The following NRG1 variants were observed in gnomAD, a reference collection of about 807,000 sequenced individuals.
NRG1 encodes neuregulin 1.
NRG1 carries 18 observed loss-of-function variants against 63.8 expected under a neutral mutation model. The ratio of observed to expected loss-of-function variants is 0.28; its 90% confidence interval spans 0.19 to 0.42. The LOEUF is 0.42. Ranked by LOEUF, NRG1 falls within the 10% of genes least tolerant of loss-of-function variation. The pLI is 1.00. For missense variants in NRG1, 762 were observed against 814.7 expected (o/e 0.94, Z 0.79); for synonymous variants, 302 against 301.3 (o/e 1.00, Z -0.02).
chr8:32,463,644 C>T (rs768784319), intron 1 of NRG1, among the ~76,000 whole-genome samples: 3 of 151,794 alleles, frequency 2.0e-5, no homozygotes, highest in Non-Finnish European at 2.9e-5. Context: ...GAGTTCGAGA[C>T]CAGCCAGGGC....
chr8:32,426,422 G>T (rs909918939), intron 1 of NRG1, among the ~76,000 whole-genome samples: 1 of 152,128 alleles, frequency 6.6e-6, no homozygotes, highest in African/African-American at 2.4e-5. Context: ...CTTTTCTGAC[G>T]CAAAATATTG....
chr8:31,873,038 A>C (rs1829620942), intron 1 of NRG1, among the ~76,000 whole-genome samples: 2 of 152,190 alleles, frequency 1.3e-5, no homozygotes, highest in Non-Finnish European at 2.9e-5. Context: ...TTTCAGAAGG[A>C]GAAAACTCAT....
At chr8:31,747,804 T>G (rs1372435645) in intron 1 of NRG1, among the ~76,000 whole-genome samples, 1 of 151,978 alleles carries the variant, frequency 6.6e-6, no homozygotes, top group East Asian at 1.9e-4. Flanking sequence ...CAAATCCACA[T>G]GTCATCTTGA....
chr8:32,052,838 G>A (rs913960786), intron 1 of NRG1, among the ~76,000 whole-genome samples: 3 of 152,108 alleles, frequency 2.0e-5, no homozygotes, highest in African/African-American at 7.2e-5. Context: ...GCTCATTATA[G>A]ACAGTCTGAA....
At chr8:32,632,374 A>AC (rs1368652595) in intron 5 of NRG1, among the ~76,000 whole-genome samples, 1 of 151,800 alleles carries the variant, frequency 6.6e-6, no homozygotes, top group Non-Finnish European at 1.5e-5. Flanking sequence ...ACATGGAGAA[A>AC]CCCCGTCTCT....
chr8:31,689,698 A>C (rs973517243), intron 1 of NRG1, among the ~76,000 whole-genome samples: 12 of 152,348 alleles, frequency 7.9e-5, no homozygotes, highest in African/African-American at 2.9e-4. Flanking sequence ...ATGAATATTC[A>C]TTAAGTACCT....
chr8:32,492,291 T>A (rs996506056), intron 1 of NRG1, among the ~76,000 whole-genome samples: 6 of 152,170 alleles, frequency 3.9e-5, no homozygotes, highest in African/African-American at 1.4e-4. Flanking sequence ...ATTAGGAGGT[T>A]GAGTTCTTGA....
At chr8:32,109,783 A>C (rs934821168) in intron 1 of NRG1, among the ~76,000 whole-genome samples, 7 of 152,174 alleles carry the variant, frequency 4.6e-5, no homozygotes, top group African/African-American at 1.7e-4. Flanking sequence ...GATATTAATA[A>C]TATGACCTTT....
At chr8:32,147,046 A>G (rs1836944116) in intron 1 of NRG1, among the ~76,000 whole-genome samples, 1 of 152,206 alleles carries the variant, frequency 6.6e-6, no homozygotes, top group Non-Finnish European at 1.5e-5. Flanking sequence ...CCTTTCTTCC[A>G]TCTATAGTTC....
At chr8:32,374,765 G>GT (rs369219760) in intron 1 of NRG1, among the ~76,000 whole-genome samples, 6 of 152,178 alleles carry the variant, frequency 3.9e-5, no homozygotes, top group African/African-American at 9.6e-5. Flanking sequence ...TTAAGGCATT[G>GT]TTTTTTTATC....
intron 1 of NRG1, among the ~76,000 whole-genome samples, chr8:32,469,082 C>A (rs943971091): frequency 6.6e-6 from 1 of 152,108 alleles, no homozygotes; most frequent in South Asian, 2.1e-4. Context: ...ACAAGGGAAA[C>A]GATGGAGGTG....
intron 1 of NRG1, among the ~76,000 whole-genome samples, chr8:32,197,434 C>A (rs1250442781): frequency 6.6e-6 from 1 of 152,204 alleles, no homozygotes; most frequent in Non-Finnish European, 1.5e-5. Context: ...GATTTGGTGA[C>A]TGAATTCATC....
intron 5 of NRG1, among the ~76,000 whole-genome samples, chr8:32,713,820 C>CAT (rs946554927): frequency 1.4e-5 from 2 of 147,174 alleles, no homozygotes. Context: ...ATATTATATA[C>CAT]ATATATATAT....
upstream of NRG1, among the ~76,000 whole-genome samples, chr8:32,547,986 G>A (rs1192996848): frequency 3.9e-5 from 6 of 152,264 alleles, no homozygotes; most frequent in East Asian, 9.8e-4. Context: ...GGCAGCGAGA[G>A]CCTCGGGTCT....
chr8:32,243,912 C>A (rs1201345633), intron 1 of NRG1, among the ~76,000 whole-genome samples: 1 of 152,142 alleles, frequency 6.6e-6, no homozygotes, highest in Admixed American at 6.6e-5. Flanking sequence ...TATCATACAC[C>A]AAGTCTTCCT....
intron 1 of NRG1, among the ~76,000 whole-genome samples, chr8:32,197,567 G>C (rs1345169579): frequency 1.3e-5 from 2 of 152,176 alleles, no homozygotes; most frequent in Non-Finnish European, 2.9e-5. Context: ...CAGAAAGTGA[G>C]AACTTGGATC....
intron 5 of NRG1, among the ~76,000 whole-genome samples, chr8:32,646,570 GC>G (rs1853587795): frequency 1.3e-5 from 2 of 152,046 alleles, no homozygotes. Flanking sequence ...CCCCATCCCA[GC>G]TTTGTTAGAT....
intron 1 of NRG1, among the ~76,000 whole-genome samples, chr8:32,347,323 A>G (rs1586958509): frequency 6.6e-6 from 1 of 152,184 alleles, no homozygotes; most frequent in South Asian, 2.1e-4. Context: ...CCTTCCCAGC[A>G]TCTGATAACC....
chr8:32,262,450 C>T (rs561431397), intron 1 of NRG1, among the ~76,000 whole-genome samples: 9 of 152,284 alleles, frequency 5.9e-5, no homozygotes, highest in African/African-American at 1.9e-4. Context: ...AAAGTACTAG[C>T]GGTTTTGTAG....
Sources: gnomAD v4.1 joint callset for allele counts (sites outside exome capture counted in the v4.1 genomes callset) on GRCh38, gnomAD v4.1.1 for gene constraint, MANE v1.5 for transcripts, NCBI Gene and HGNC (gene_info 2026-07-23, HGNC 2026-07-21) for gene names.